Variants in FAM167A observed in about 807,000 individuals in gnomAD.
FAM167A encodes the protein protein FAM167A.
In FAM167A, 23 loss-of-function variants were observed where a neutral mutation model predicts 14.9. The observed-to-expected ratio is 1.55, with a 90% CI of 1.11 to 2.19. The LOEUF is 2.19. FAM167A is among the 30% of genes most tolerant of loss of function. FAM167A has a pLI of 0.00. For missense variants in FAM167A, 401 were observed against 281.5 expected, an observed-to-expected ratio of 1.42 and a Z score of -3.04; for synonymous variants, 174 against 117.7, an observed-to-expected ratio of 1.48 and a Z score of -3.10.
intron 2 of FAM167A, among the ~76,000 whole-genome samples, chr8:11,440,874 G>C (rs993894565): frequency 6.6e-6 from 1 of 152,180 alleles, no homozygotes. Flanking sequence ...ATTTTTAAAG[G>C]TACCTTCAAT....
At chr8:11,456,524 C>A (rs1490716969) in intron 1 of FAM167A, among the ~76,000 whole-genome samples, 2 of 25,496 alleles carry the variant, frequency 7.8e-5, no homozygotes, top group African/African-American at 3.4e-4. Flanking sequence ...TGGGGGCTGG[C>A]TGCCCTGCTG....
chr8:11,464,340 C>G (rs896529436), intron 1 of FAM167A, among the ~76,000 whole-genome samples: 1 of 152,180 alleles, frequency 6.6e-6, no homozygotes, highest in Non-Finnish European at 1.5e-5. Context: ...ATCCTGGCAA[C>G]ACGGCCCTCG....
Position 11,424,371 on chromosome 8 carries a change from C to T in FAM167A, c.*2G>A. On this transcript the variant is annotated 3_prime_UTR_variant, in exon 3 of 3. Coordinates refer to ENST00000284486, the MANE Select transcript of FAM167A (RefSeq NM_053279.3). ...AGCCCCTCCGCCCAGTCTGAGGGCT[C>T]CTCAGCAGAGAGAGAACCTCCGAGA... is the stretch of plus-strand genomic sequence containing the variant. The T allele has an allele frequency of 3.7e-6, 6 of 1,613,922 alleles. No homozygotes were observed. The highest frequency in any genetic ancestry group is 2.2e-5 in the East Asian group (1 of 44,892).
intron 2 of FAM167A, chr8:11,443,646 C>G (rs909859094): frequency 5.1e-6 from 1 of 197,128 alleles, no homozygotes; most frequent in Non-Finnish European, 1.0e-5. Context: ...CCCGGAGTGG[C>G]AGGCAGCTGG....
upstream of FAM167A, among the ~76,000 whole-genome samples, chr8:11,469,521 A>C (rs1333451855): frequency 3.3e-5 from 5 of 152,182 alleles, no homozygotes. Flanking sequence ...TGCATGATGC[A>C]TGAGACATTG....
At chr8:11,463,871 A>G (rs1437820617) in intron 1 of FAM167A, among the ~76,000 whole-genome samples, 2 of 151,972 alleles carry the variant, frequency 1.3e-5, no homozygotes, top group African/African-American at 4.8e-5. Flanking sequence ...CTCAGTGAAG[A>G]GAGCTTTGTG....
chr8:11,447,178 C>A (rs1465983435), intron 1 of FAM167A, among the ~76,000 whole-genome samples: 5 of 106,330 alleles, frequency 4.7e-5, no homozygotes, highest in Non-Finnish European at 9.5e-5. Context: ...TTATTGGTTT[C>A]TTTTCTTTTT....
chr8:11,434,410 G>C (rs1011739466), intron 2 of FAM167A, among the ~76,000 whole-genome samples: 6 of 152,158 alleles, frequency 3.9e-5, no homozygotes, highest in Admixed American at 2.6e-4. Context: ...GCAGGAAGGA[G>C]ACAGCAAGAT....
At chr8:11,472,781 A>G in intron 1 of FAM167A, among the ~76,000 whole-genome samples, 1 of 152,084 alleles carries the variant, frequency 6.6e-6, no homozygotes, top group East Asian at 1.9e-4. Flanking sequence ...CTTTGGTTGG[A>G]TGGCTTTCTT....
At chr8:11,466,959 G>A (rs888425342), upstream of FAM167A, among the ~76,000 whole-genome samples, 6 of 152,180 alleles carry the variant, frequency 3.9e-5, no homozygotes, top group African/African-American at 1.4e-4. Flanking sequence ...GGAACTACAT[G>A]CCTTCGCCAA....
chr8:11,459,507 C>T (rs543355597), intron 1 of FAM167A, among the ~76,000 whole-genome samples: 43 of 152,326 alleles, frequency 2.8e-4, no homozygotes, highest in Non-Finnish European at 2.2e-4. Context: ...AGAGACCGAG[C>T]GCCTCGGTCT....
At chr8:11,431,544 T>A (rs7846252) in intron 2 of FAM167A, among the ~76,000 whole-genome samples, 1 of 152,208 alleles carries the variant, frequency 6.6e-6, no homozygotes, top group Middle Eastern at 3.4e-3. Context: ...CATATTTTAC[T>A]GACATTTAAA....
intron 2 of FAM167A, chr8:11,438,571 A>G (rs780695024): frequency 1.6e-5 from 7 of 443,176 alleles, no homozygotes; most frequent in South Asian, 1.2e-4. Context: ...TACATGATAT[A>G]TTCCTATTTT....
chr8:11,465,511 A>G (rs1807728254), intron 1 of FAM167A, among the ~76,000 whole-genome samples: 1 of 152,252 alleles, frequency 6.6e-6, no homozygotes, highest in Non-Finnish European at 1.5e-5. Flanking sequence ...AATGCACTCA[A>G]GAAAGAAGAG....
intron 2 of FAM167A, among the ~76,000 whole-genome samples, chr8:11,441,231 C>T (rs903099440): frequency 2.0e-5 from 3 of 152,208 alleles, no homozygotes; most frequent in African/African-American, 7.2e-5. Flanking sequence ...ATGACAGACA[C>T]AGGGCTCAGA....
chr8:11,438,788 T>G (rs1031582219), intron 2 of FAM167A: 3 of 320,074 alleles, frequency 9.4e-6, no homozygotes, highest in African/African-American at 2.2e-5. Flanking sequence ...CACCGGGCTA[T>G]GCAGAGAAGA....
chr8:11,473,595 T>A (rs897169619), intron 1 of FAM167A, among the ~76,000 whole-genome samples: 1 of 152,072 alleles, frequency 6.6e-6, no homozygotes. Context: ...TTCTTTCCCA[T>A]CCCCATCCTG....
chr8:11,424,085 G>C lies in FAM167A; in HGVS notation c.*288C>G, dbSNP rs1324244063. ...GGAAACAGGAACGTGACCGTGGAGG[G>C]ATGGATTATGGTGGGAACCCAGGTC... On this transcript the variant is annotated 3_prime_UTR_variant, in exon 3 of 3. Transcript: ENST00000284486. 2 of 372,924 alleles carry C rather than the reference G, an allele frequency of 5.4e-6. No homozygotes were observed. The highest frequency in any genetic ancestry group is 9.3e-5 in the East Asian group (2 of 21,402). 23.1% of individuals were successfully genotyped at this position (372,924 alleles called of 1,614,324 possible).
At chr8:11,436,841 C>G (rs143610848) in intron 2 of FAM167A, among the ~76,000 whole-genome samples, 1 of 152,272 alleles carries the variant, frequency 6.6e-6, no homozygotes, top group African/African-American at 2.4e-5. Flanking sequence ...TGAGCGAGAA[C>G]CAGCTAGGAA....
Sources: allele counts gnomAD v4.1 joint callset (sites outside exome capture counted in the v4.1 genomes callset), GRCh38; gene constraint gnomAD v4.1.1; transcripts MANE v1.5; gene names NCBI Gene and HGNC (gene_info 2026-07-23, HGNC 2026-07-21).